Variants in MTREX observed in about 807,000 individuals in gnomAD.
MTREX encodes Mtr4 exosome RNA helicase.
Under a neutral mutation model 135.4 loss-of-function variants are expected in MTREX, and 76 were observed. The observed-to-expected ratio is 0.56, with a 90% CI of 0.47 to 0.68. The LOEUF is 0.68. Among genes scored for constraint, MTREX ranks in the 30% least tolerant of loss-of-function variants. The probability of loss-of-function intolerance (pLI) is 0.00; values close to 1 mark genes in which losing one functional copy is unlikely to be tolerated. For missense variants in MTREX, 920 were observed against 1,262.1 expected (o/e 0.73, Z 4.11); for synonymous variants, 404 against 401.6 (o/e 1.01, Z -0.07).
intron 25 of MTREX, among the ~76,000 whole-genome samples, chr5:55,419,909 C>A (rs899993167): frequency 2.0e-5 from 3 of 152,120 alleles, no homozygotes; most frequent in African/African-American, 7.2e-5. Context: ...GCAGTTTAAC[C>A]CTTTCTTAGC....
intron 25 of MTREX, among the ~76,000 whole-genome samples, chr5:55,417,707 G>A (rs1305810148): frequency 5.9e-5 from 9 of 152,222 alleles, no homozygotes; most frequent in South Asian, 2.1e-4. Context: ...GCACTAGGGC[G>A]ATCACATAGA....
intron 25 of MTREX, among the ~76,000 whole-genome samples, chr5:55,417,175 T>A (rs1327828622): frequency 6.6e-6 from 1 of 152,212 alleles, no homozygotes; most frequent in Non-Finnish European, 1.5e-5. Context: ...CTCCTCTAAA[T>A]GATCATTTAG....
chr5:55,425,133 G>A lies in MTREX; in HGVS notation c.*361G>A. 1 of 1,517,492 alleles carries A rather than the reference G, an allele frequency of 6.6e-7. No individual in the cohort carries two copies. The highest frequency in any genetic ancestry group is 1.3e-5 in the South Asian group (1 of 79,792). 94.0% of individuals were successfully genotyped at this position (1,517,492 alleles called of 1,614,324 possible). On this transcript the variant is annotated 3_prime_UTR_variant, in exon 27 of 27. Coordinates refer to ENST00000230640, the MANE Select transcript of MTREX (RefSeq NM_015360.5). ...AGGCTTGTACACCAGGAAGAAAGAT[G>A]CATCCTCTTGCCTTGTGGCAATCAT...
chr5:55,405,383 C>T, intron 21 of MTREX, 42 bp from the exon 22 acceptor site: 1 of 1,483,014 alleles, frequency 6.7e-7, no homozygotes, highest in Non-Finnish European at 9.3e-7. Context: ...GTACATTGTT[C>T]ACTTTATTAT....
At chr5:55,361,086 C>G (rs190581887) in intron 15 of MTREX, among the ~76,000 whole-genome samples, 97 of 152,246 alleles carry the variant, frequency 6.4e-4, no homozygotes, top group African/African-American at 2.2e-3. Flanking sequence ...AGTTTAAACA[C>G]TATTTGACAT....
At chr5:55,367,711 A>G (rs564196944) in intron 16 of MTREX, among the ~76,000 whole-genome samples, 12 of 152,338 alleles carry the variant, frequency 7.9e-5, no homozygotes, top group African/African-American at 2.6e-4. Flanking sequence ...GGAATTGTAC[A>G]TTGATTCTTA....
Position 55,422,862 on chromosome 5 carries a change from T to C in MTREX, c.2972-16T>C. On this transcript the variant is annotated splice_polypyrimidine_tract_variant and intron_variant, in intron 25 of 26. Transcript: ENST00000230640. ...TTATTTCCATTTTACCAGTGTTTTG[T>C]TCCTTTTCTATCCAGGCAGCATAAT... 1 of 1,602,780 alleles carries C rather than the reference T, an allele frequency of 6.2e-7. No homozygotes were observed. Among genetic ancestry groups the C allele is most frequent in the Non-Finnish European group, 8.5e-7 (1 of 1,174,154 alleles).
chr5:55,365,036 G>A (rs1407153025), intron 15 of MTREX, among the ~76,000 whole-genome samples: 5 of 152,140 alleles, frequency 3.3e-5, no homozygotes, highest in African/African-American at 1.2e-4. Context: ...GGCTTACTTG[G>A]GTAGAATGTC....
In MTREX at chr5:55,353,173, A is replaced by G. The variant is rs1450973340; in HGVS notation, c.1437A>G (p.Leu479=). Residue 479 remains leucine (L), a synonymous_variant, in exon 14 of 27, where the codon TTA becomes TTG. Transcript: ENST00000230640. The part of the protein sequence containing the change: ...ILFSEGLIKA[L]FATETFAMGI... ...AGAATTACTTATTTACTTAGGCCTT[A>G]TTTGCCACGGAGACCTTTGCTATGG... 5 of 1,591,704 alleles carry G rather than the reference A, an allele frequency of 3.1e-6. No individual in the cohort carries two copies. The highest frequency in any genetic ancestry group is 4.3e-6 in the Non-Finnish European group (5 of 1,170,824).
Position 55,345,669 on chromosome 5 carries a change from T to G in MTREX, c.1108+473T>G, listed in dbSNP as rs562059018. Among the ~76,000 whole-genome samples, 4 of 150,276 alleles carry G rather than the reference T, an allele frequency of 2.7e-5. No individual in the cohort carries two copies. The South Asian group carries it at 8.5e-4, about 32-fold the overall frequency. ...TTCAAGGTTCGTTACTTTTAATTTT[T>G]TTTTTTTTTTTTTTTGAGACAGTGT... On this transcript the variant is annotated intron_variant, in intron 10 of 26. Coordinates refer to ENST00000230640, the MANE Select transcript of MTREX (RefSeq NM_015360.5).
intron 16 of MTREX, among the ~76,000 whole-genome samples, chr5:55,375,405 G>A (rs897207699): frequency 6.6e-6 from 1 of 152,072 alleles, no homozygotes; most frequent in Admixed American, 6.5e-5. Flanking sequence ...CTTTCTCAGG[G>A]ATGTTCCATG....
chr5:55,411,555 A>G lies in MTREX; in HGVS notation c.2751+926A>G, dbSNP rs230772. ...GTCTGTTTACCTGTTAACTGTTTCC[A>G]TATTTATTAATCAGATCAAATATAT... On this transcript the variant is annotated intron_variant, in intron 23 of 26. Coordinates refer to ENST00000230640, the MANE Select transcript of MTREX (RefSeq NM_015360.5). Among the ~76,000 whole-genome samples the G allele has an allele frequency of 2.6e-5, 4 of 151,956 alleles. No homozygotes were observed. In the South Asian group the frequency reaches 8.3e-4, roughly 31 times the overall value.
chr5:55,363,765 T>G (rs559653242), intron 15 of MTREX, among the ~76,000 whole-genome samples: 1 of 152,324 alleles, frequency 6.6e-6, no homozygotes, highest in African/African-American at 2.4e-5. Flanking sequence ...TTGTTTAGTC[T>G]TGGCAGTTCC....
In MTREX at chr5:55,416,118, C is replaced by A; in HGVS notation, c.2957C>A (p.Thr986Lys). Residue 986 changes from threonine (T) to lysine (K), a missense_variant, in exon 25 of 27, where the codon ACA becomes AAA. Thr to Lys is a moderately conservative substitution (Grantham distance 78). Around this residue, in one of 6 missense-constraint regions of MTREX, gnomAD observed 467 missense variants for 589.7 expected, o/e 0.79. Transcript: ENST00000230640. ...GATFAHICKM[T>K]DVFEGSIIRC... Reference sequence around the variant, plus strand: ...ACATTTGCCCATATCTGCAAAATGACAGATGTCTTTGAAGGTATGGTTAAA... The same window carrying A: ...ACATTTGCCCATATCTGCAAAATGAAAGATGTCTTTGAAGGTATGGTTAAA... 1 of 1,585,640 alleles carries A rather than the reference C, an allele frequency of 6.3e-7. No individual in the cohort carries two copies. The highest frequency in any genetic ancestry group is 1.2e-5 in the South Asian group (1 of 84,490).
At chr5:55,377,070 CTG>C (rs1750315294) in intron 16 of MTREX, among the ~76,000 whole-genome samples, 1 of 152,066 alleles carries the variant, frequency 6.6e-6, no homozygotes, top group South Asian at 2.1e-4. Flanking sequence ...TGGCTCATGT[CTG>C]TAATCCCAGC....
At chr5:55,371,064 ACTTAAT>A (rs1381846453) in intron 16 of MTREX, among the ~76,000 whole-genome samples, 1 of 152,162 alleles carries the variant, frequency 6.6e-6, no homozygotes, top group Non-Finnish European at 1.5e-5. Flanking sequence ...AAAAATGCAT[ACTTAAT>A]CTTAGTCTTT....
At chr5:55,418,887 A>C (rs1751013088) in intron 25 of MTREX, among the ~76,000 whole-genome samples, 1 of 152,134 alleles carries the variant, frequency 6.6e-6, no homozygotes, top group Non-Finnish European at 1.5e-5. Flanking sequence ...TCTGTCACCC[A>C]GGCTGGAGTG....
At chr5:55,335,641 A>G (rs919391500) in intron 5 of MTREX, among the ~76,000 whole-genome samples, 1 of 152,096 alleles carries the variant, frequency 6.6e-6, no homozygotes, top group African/African-American at 2.4e-5. Context: ...TCTTTACACT[A>G]GTACACTATT....
chr5:55,336,655 T>C (rs1749557622), intron 5 of MTREX, among the ~76,000 whole-genome samples: 1 of 152,190 alleles, frequency 6.6e-6, no homozygotes, highest in Admixed American at 6.5e-5. Context: ...CCAGGGAGGA[T>C]TGGGTCCCAG....
Sources: gnomAD v4.1 joint callset for allele counts (sites outside exome capture counted in the v4.1 genomes callset) on GRCh38, gnomAD v4.1.1 for gene constraint, gnomAD v4.1.1 regional missense constraint, MANE v1.5 for transcripts, NCBI Gene and HGNC (gene_info 2026-07-23, HGNC 2026-07-21) for gene names.